Variants in FNDC3A observed in about 807,000 individuals in gnomAD.
FNDC3A encodes the protein fibronectin type-III domain-containing protein 3A.
FNDC3A carries 32 observed loss-of-function variants against 148.9 expected under a neutral mutation model. The observed-to-expected ratio is 0.21, with a 90% CI of 0.16 to 0.29. FNDC3A has a LOEUF of 0.29. Among genes scored for constraint, FNDC3A ranks in the 10% least tolerant of loss-of-function variants. The pLI is 1.00. For synonymous variants in FNDC3A, 472 were observed against 473.6 expected (o/e 1.00, Z 0.04); for missense variants, 1,191 against 1,452.8 (o/e 0.82, Z 2.93).
At chr13:49,173,978 T>G (rs1412178921) in intron 11 of FNDC3A, among the ~76,000 whole-genome samples, 1 of 152,180 alleles carries the variant, frequency 6.6e-6, no homozygotes, top group African/African-American at 2.4e-5. Flanking sequence ...CGCCAAAAGT[T>G]TTATTTTAAA....
chr13:49,057,728 A>C (rs1876356677), intron 2 of FNDC3A, among the ~76,000 whole-genome samples: 1 of 152,174 alleles, frequency 6.6e-6, no homozygotes, highest in Non-Finnish European at 1.5e-5. Flanking sequence ...ACCAATATCA[A>C]ACTAAGCATA....
intron 8 of FNDC3A, among the ~76,000 whole-genome samples, chr13:49,149,274 G>A (rs924351844): frequency 4.0e-5 from 6 of 151,328 alleles, no homozygotes; most frequent in Admixed American, 4.0e-4. Flanking sequence ...TCCTTGTCTT[G>A]TTCGAGTTCT....
At position 49,136,555 on chromosome 13, in the gene FNDC3A, G is replaced by A; in HGVS notation, c.714G>A (p.Lys238=). ...GGINTGSAKI[K]SGKGKGGTQV... is the part of the protein sequence containing the mutation. ...TAAACACAGGATCAGCAAAAATCAA[G>A]TCTGGGAAGGGGAAAGGTGGTACAC... The change falls in exon 6 of 26, where the codon AAG becomes AAA. Residue 238 remains lysine (K), a synonymous_variant. Coordinates refer to ENST00000492622, the MANE Select transcript of FNDC3A (RefSeq NM_001079673.2). 8 of 1,614,020 alleles carry A rather than the reference G, an allele frequency of 5.0e-6. No homozygotes were observed. The highest frequency in any genetic ancestry group is 5.9e-6 in the Non-Finnish European group (7 of 1,179,920).
At chr13:48,995,791 AT>A (rs1411469121) in intron 1 of FNDC3A, among the ~76,000 whole-genome samples, 36 of 152,354 alleles carry the variant, frequency 2.4e-4, no homozygotes, top group Admixed American at 6.5e-5. Flanking sequence ...TTATTGTTAA[AT>A]ACAGTCTATG....
At chr13:49,015,529 A>G (rs1296529809) in intron 2 of FNDC3A, among the ~76,000 whole-genome samples, 7 of 152,326 alleles carry the variant, frequency 4.6e-5, no homozygotes, top group African/African-American at 1.4e-4. Context: ...TCGATATACA[A>G]TCATGTCGTC....
intron 13 of FNDC3A, among the ~76,000 whole-genome samples, chr13:49,178,037 C>A (rs1885117216): frequency 6.6e-6 from 1 of 151,954 alleles, no homozygotes; most frequent in South Asian, 2.1e-4. Flanking sequence ...TTTTTTAATT[C>A]AAAAAATGAT....
At chr13:49,203,887 A>G (rs141688680) in intron 25 of FNDC3A, among the ~76,000 whole-genome samples, 1 of 152,314 alleles carries the variant, frequency 6.6e-6, no homozygotes, top group East Asian at 1.9e-4. Context: ...TAAGGGGCCT[A>G]TAGGTGGTAT....
At chr13:48,985,365 C>T (rs758538748) in intron 1 of FNDC3A, among the ~76,000 whole-genome samples, 8 of 152,102 alleles carry the variant, frequency 5.3e-5, no homozygotes, top group African/African-American at 7.2e-5. Flanking sequence ...TTCAAATGTA[C>T]GTTCTCCTGA....
intron 8 of FNDC3A, among the ~76,000 whole-genome samples, chr13:49,153,308 A>G (rs1484711376): frequency 2.0e-5 from 3 of 152,058 alleles, no homozygotes; most frequent in African/African-American, 7.2e-5. Flanking sequence ...TTGGCTGCCT[A>G]AATGTCTTCT....
At chr13:49,155,393 A>G (rs936871959) in intron 8 of FNDC3A, among the ~76,000 whole-genome samples, 3 of 149,702 alleles carry the variant, frequency 2.0e-5, no homozygotes, top group African/African-American at 5.0e-5. Flanking sequence ...TTGTGTGTCT[A>G]TTTGATTCTT....
chr13:49,002,292 A>T (rs1952140848), intron 1 of FNDC3A, among the ~76,000 whole-genome samples: 1 of 152,132 alleles, frequency 6.6e-6, no homozygotes, highest in Non-Finnish European at 1.5e-5. Flanking sequence ...TCTTTCCTGT[A>T]GGTTTTTCAT....
rs568923667 is a variant in FNDC3A at position 49,094,275 on chromosome 13, C to T, written c.175+18911C>T. Among the ~76,000 whole-genome samples, 25 of 152,194 alleles carry T rather than the reference C, an allele frequency of 1.6e-4. No individual in the cohort carries two copies. The South Asian group carries it at 5.0e-3, about 30-fold the overall frequency. On this transcript the variant is annotated intron_variant, in intron 3 of 25. Coordinates refer to ENST00000492622, the MANE Select transcript of FNDC3A (RefSeq NM_001079673.2). Reference sequence around the variant, plus strand: ...TGTGTGCTTTAAACCTTAACCTAAGCACAGAGTGTCCTTGTAAAATACCTT... The same window carrying T: ...TGTGTGCTTTAAACCTTAACCTAAGTACAGAGTGTCCTTGTAAAATACCTT...
intron 2 of FNDC3A, among the ~76,000 whole-genome samples, chr13:49,019,451 C>T (rs1297456840): frequency 6.6e-6 from 1 of 152,234 alleles, no homozygotes; most frequent in Non-Finnish European, 1.5e-5. Context: ...ATGCCTCGCC[C>T]TGCTTCGGCT....
chr13:49,163,423 G>A (rs368609096), intron 8 of FNDC3A, among the ~76,000 whole-genome samples: 14 of 152,202 alleles, frequency 9.2e-5, no homozygotes, highest in Admixed American at 4.6e-4. Flanking sequence ...CTCTGTGGGC[G>A]TGGGACCCTC....
chr13:49,013,054 G>T (rs530490021), intron 2 of FNDC3A, among the ~76,000 whole-genome samples: 1 of 152,162 alleles, frequency 6.6e-6, no homozygotes, highest in African/African-American at 2.4e-5. Context: ...AGTGGCTGAC[G>T]CCAGTAATCC....
chr13:49,114,359 C>T (rs555282605), intron 3 of FNDC3A, among the ~76,000 whole-genome samples: 8 of 151,906 alleles, frequency 5.3e-5, no homozygotes, highest in Admixed American at 2.0e-4. Flanking sequence ...ACCCCATTGA[C>T]TAAGAATCTC....
chr13:49,180,996 A>T (rs1045300797), intron 14 of FNDC3A, among the ~76,000 whole-genome samples: 6 of 152,214 alleles, frequency 3.9e-5, no homozygotes, highest in Admixed American at 2.6e-4. Context: ...CAGGAGGATC[A>T]TATGAGCCCA....
chr13:49,190,418 GA>G (rs1470159707), intron 17 of FNDC3A, among the ~76,000 whole-genome samples: 1 of 152,104 alleles, frequency 6.6e-6, no homozygotes, highest in Non-Finnish European at 1.5e-5. Context: ...AGCTACTCTG[GA>G]CGTGGGAGGA....
chr13:49,113,520 A>G (rs1313108132), intron 3 of FNDC3A, among the ~76,000 whole-genome samples: 2 of 152,206 alleles, frequency 1.3e-5, no homozygotes, highest in African/African-American at 2.4e-5. Context: ...TGAAGTATGT[A>G]TAATATTAAC....
Sources: gnomAD v4.1 joint callset for allele counts (sites outside exome capture counted in the v4.1 genomes callset) on GRCh38, gnomAD v4.1.1 for gene constraint, MANE v1.5 for transcripts, NCBI Gene and HGNC (gene_info 2026-07-23, HGNC 2026-07-21) for gene names.